The following NTN3 variants were observed in gnomAD, a reference collection of about 807,000 sequenced individuals.
NTN3 encodes netrin 3.
In NTN3, 44 loss-of-function variants were observed where a neutral mutation model predicts 37.2. The ratio of observed to expected loss-of-function variants is 1.18; its 90% confidence interval spans 0.93 to 1.52. The LOEUF is 1.52. Among genes scored for constraint, NTN3 ranks in the 40% most tolerant of loss-of-function variants. NTN3 has a pLI of 0.00. For missense variants in NTN3, 882 were observed against 857.3 expected, an observed-to-expected ratio of 1.03 and a Z score of -0.36; for synonymous variants, 385 against 376.0, an observed-to-expected ratio of 1.02 and a Z score of -0.28.
Position 2,472,037 on chromosome 16 carries a change from C to T in NTN3, c.336C>T (p.Gly112=). The T allele has an allele frequency of 6.2e-7, 1 of 1,608,728 alleles. No homozygotes were observed. The part of the protein sequence containing the change: ...PLNVTLTVPL[G]KAFELVFVSL... ...ACGTGACTCTCACGGTGCCCCTGGGCAAGGCTTTTGAGCTGGTCTTCGTGA... is the reference window on the plus strand; with the variant it reads ...ACGTGACTCTCACGGTGCCCCTGGGTAAGGCTTTTGAGCTGGTCTTCGTGA... Residue 112 remains glycine (G), a synonymous_variant, in exon 1 of 6, where the codon GGC becomes GGT. Coordinates refer to ENST00000293973, the MANE Select transcript of NTN3 (RefSeq NM_006181.3).
At position 2,471,351 on chromosome 16, in the gene NTN3, G is replaced by T. The variant is rs1279212527; in HGVS notation, c.-351G>T. 5.4e-6 allele frequency: 1 copy of T among 185,748 alleles called. No homozygotes were observed. Among genetic ancestry groups the T allele is most frequent in the Non-Finnish European group, 1.1e-5 (1 of 90,482 alleles). The allele number at this position is 185,748 out of a possible 1,614,324, so 11.5% of individuals were successfully genotyped here. A position where few individuals can be genotyped will look rare whatever the true frequency, so the allele number is the denominator to read the frequency against. ...AGGAGGCGGCGGCCCGTGCACCGCA[G>T]GCCCCGCCCGCCCACGGCCCTTCCC... On this transcript the variant is annotated 5_prime_UTR_variant, in exon 1 of 6. In the 5' UTR this introduces an upstream ATG that the reference lacks. Coordinates refer to ENST00000293973, the MANE Select transcript of NTN3 (RefSeq NM_006181.3).
At chr16:2,473,388 G>A in intron 4 of NTN3, 41 bp from the exon 5 acceptor site, 1 of 1,612,514 alleles carries the variant, frequency 6.2e-7, no homozygotes, top group Non-Finnish European at 8.5e-7. Context: ...AGGAGAGGGT[G>A]GGGAAAGGGA....
rs1367700969 is a variant in NTN3, at chr16:2,471,611, G to A, written c.-91G>A. 2.4e-5 allele frequency: 24 copies of A among 1,013,212 alleles called. No homozygotes were observed. The highest frequency in any genetic ancestry group is 3.1e-5 in the Non-Finnish European group (24 of 769,464). 62.8% of individuals were successfully genotyped at this position (1,013,212 alleles called of 1,614,324 possible). ...GGGGCCCTGTTCCTCGGCATTGCGG[G>A]CCTGGTGGGCAGAGCCGCGGAGAGG... is the stretch of plus-strand genomic sequence containing the variant. On this transcript the variant is annotated 5_prime_UTR_variant, in exon 1 of 6. Transcript: ENST00000293973.
In NTN3 at chr16:2,472,792, C is replaced by G; in HGVS notation, c.1020C>G (p.Asn340Lys). 1 of 1,608,366 alleles carries G rather than the reference C, an allele frequency of 6.2e-7. No homozygotes were observed. The highest frequency in any genetic ancestry group is 8.5e-7 in the Non-Finnish European group (1 of 1,179,688). Reference sequence around the variant, plus strand: ...GCCGCAGCGGGGGTGTCTGTCTCAACTGCCGGCACAACACCGCCGGCCGCC... The same window carrying G: ...GCCGCAGCGGGGGTGTCTGTCTCAAGTGCCGGCACAACACCGCCGGCCGCC... The part of the protein sequence containing the change: ...SGRRSGGVCL[N>K]CRHNTAGRHC... Residue 340 changes from asparagine (N) to lysine (K), a missense_variant, in exon 2 of 6, where the codon AAC (asparagine) becomes AAG (lysine). By Grantham distance (94) the Asn-to-Lys change is moderately conservative (BLOSUM62 0). Transcript: ENST00000293973.
Position 2,471,462 on chromosome 16 carries a change from GC to G in NTN3, c.-239del. 2.8e-6 allele frequency: 1 copy of G among 360,692 alleles called. No homozygotes were observed. The highest frequency in any genetic ancestry group is 4.9e-6 in the Non-Finnish European group (1 of 202,078). The allele number at this position is 360,692 out of a possible 1,614,324, so 22.3% of individuals were successfully genotyped here. ...GCCTCCGCGGGCGGAGGCACCGGGA[GC>G]GGGGGCGACGCCTGTCATCGCTCTA... On this transcript the variant is annotated 5_prime_UTR_variant, in exon 1 of 6. Coordinates refer to ENST00000293973, the MANE Select transcript of NTN3 (RefSeq NM_006181.3).
intron 5 of NTN3, 104 bp downstream of exon 5, chr16:2,473,607 C>A: frequency 7.5e-7 from 1 of 1,337,916 alleles, no homozygotes; most frequent in Non-Finnish European, 1.0e-6. Context: ...TTGCTGGGCC[C>A]CAAGGCCCAT....
Position 2,471,891 on chromosome 16 carries a change from A to G in NTN3, c.190A>G (p.Thr64Ala). The change falls in exon 1 of 6, where the codon ACT becomes GCT. Residue 64 changes from threonine to alanine, a missense_variant. Transcript: ENST00000293973. ...LASSTCGRPA[T>A]RACDASDPRR... ...TTCCAGCACGTGCGGGCGGCCGGCCACTCGGGCCTGCGACGCCTCCGACCC... is the reference window on the plus strand; with the variant it reads ...TTCCAGCACGTGCGGGCGGCCGGCCGCTCGGGCCTGCGACGCCTCCGACCC... 1 of 1,491,108 alleles carries G rather than the reference A, an allele frequency of 6.7e-7. No homozygotes were observed. Among genetic ancestry groups the G allele is most frequent in the South Asian group, 1.3e-5 (1 of 79,982 alleles). The allele number at this position is 1,491,108 out of a possible 1,614,324, so 92.4% of individuals were successfully genotyped here.
intron 5 of NTN3, 45 bp downstream of exon 5, chr16:2,473,548 C>T: frequency 6.4e-7 from 1 of 1,555,428 alleles, no homozygotes; most frequent in South Asian, 1.1e-5. Flanking sequence ...CCTTCCTCCT[C>T]TCCCTACCTT....
chr16:2,473,438 C>G lies in NTN3; in HGVS notation c.1328C>G (p.Ser443Trp), dbSNP rs766790323. ...CCCACCTTCTACCCAGACTGTGACT[C>G]GCACTGCAAACCTGCCCGTGGCAGC... Reference protein sequence around the residue: ...SSPVQPQDCDSHCKPARGSYR... With the variant: ...SSPVQPQDCDWHCKPARGSYR... The change falls in exon 5 of 6, where the codon TCG becomes TGG. Residue 443 changes from serine (S) to tryptophan (W), a missense_variant. Physicochemically the swap from Ser to Trp is radical, Grantham distance 177. Transcript: ENST00000293973. 6.2e-7 allele frequency: 1 copy of G among 1,612,992 alleles called. No individual in the cohort carries two copies. Among genetic ancestry groups the G allele is most frequent in the African/African-American group, 1.3e-5 (1 of 75,042 alleles).
rs759856214 is a variant in NTN3, at chr16:2,472,658, C to G, written c.928+29C>G. Reference sequence around the variant, plus strand: ...AGGCCTTGGAGGGTGGCCTGGGGACCTTGGACACAACCAGCCTGCCCCTGA... The same window carrying G: ...AGGCCTTGGAGGGTGGCCTGGGGACGTTGGACACAACCAGCCTGCCCCTGA... On this transcript the variant is annotated intron_variant, in intron 1 of 5. Coordinates refer to ENST00000293973, the MANE Select transcript of NTN3 (RefSeq NM_006181.3). 1.9e-6 allele frequency: 3 copies of G among 1,604,146 alleles called. No individual in the cohort carries two copies. The Admixed American group carries it at 5.1e-5, about 28-fold the overall frequency.
In NTN3 at chr16:2,471,972, CTG is replaced by C. The variant is rs2065523749; in HGVS notation, c.274_275del (p.Cys92LeufsTer24). ...TTCCCCAGGGGGCACGGCCAGCCCT[CTG>C]TGCTGGCGCTCGGAGTCCCTGCCTC... ...LTSPGGTASPLCWRSESLPRA... is the reference protein window; with the variant it reads ...LTSPGGTASPXCWRSESLPRA... On this transcript the variant is annotated frameshift_variant, in exon 1 of 6. Transcript: ENST00000293973. LOFTEE classifies it high-confidence loss of function. 1 of 1,594,274 alleles carries C rather than the reference CTG, an allele frequency of 6.3e-7. No homozygotes were observed. The highest frequency in any genetic ancestry group is 1.1e-5 in the South Asian group (1 of 90,158).
At position 2,473,789 on chromosome 16, in the gene NTN3, C is replaced by A. The variant is rs975740679; in HGVS notation, c.1427C>A (p.Ala476Glu). 15 of 1,385,916 alleles carry A rather than the reference C, an allele frequency of 1.1e-5. No individual in the cohort carries two copies. Among genetic ancestry groups the A allele is most frequent in the Non-Finnish European group, 1.4e-5 (15 of 1,079,602 alleles). 85.9% of individuals were successfully genotyped at this position (1,385,916 alleles called of 1,614,324 possible). A position where few individuals can be genotyped will look rare whatever the true frequency, so the allele number is the denominator to read the frequency against. The stretch of plus-strand genomic sequence containing the variant: ...GTGGCGGTGGGTGCGCGCGGCGAGG[C>A]GCGCGGCGCGTGGACACGCTTCCCG... Reference protein sequence around the residue: ...VQVAVGARGEARGAWTRFPVA... With the variant: ...VQVAVGARGEERGAWTRFPVA... Residue 476 changes from alanine (A) to glutamate (E), a missense_variant, in exon 6 of 6, where the codon GCG (alanine) becomes GAG (glutamate). Transcript: ENST00000293973.
chr16:2,473,693 G>T, intron 5 of NTN3, 63 bp from the exon 6 acceptor site: 1 of 1,375,426 alleles, frequency 7.3e-7, no homozygotes, highest in Non-Finnish European at 9.6e-7. Context: ...TCCTCCCCGT[G>T]CCTCCCCCTA....
Position 2,474,047 on chromosome 16 carries a change from CGCGGCGCCT to C in NTN3, c.1690_1698del (p.Arg566_Leu568del), listed in dbSNP as rs2065541779. 3 of 1,205,994 alleles carry C rather than the reference CGCGGCGCCT, an allele frequency of 2.5e-6. No homozygotes were observed. Among genetic ancestry groups the C allele is most frequent in the East Asian group, 3.4e-5 (1 of 29,448 alleles). The allele number at this position is 1,205,994 out of a possible 1,614,324, so 74.7% of individuals were successfully genotyped here. On this transcript the variant is annotated inframe_deletion, in exon 6 of 6. Transcript: ENST00000293973. ...GTGCTACCCTGGAGGGACGCGTGGA[CGCGGCGCCT>C]GCGGAGGCTGCAGCGACGCGAACGG...
At position 2,471,692 on chromosome 16, in the gene NTN3, G is replaced by A. The variant is rs1480521258; in HGVS notation, c.-10G>A. The A allele has an allele frequency of 7.6e-7, 1 of 1,319,772 alleles. No homozygotes were observed. Among genetic ancestry groups the A allele is most frequent in the Non-Finnish European group, 9.6e-7 (1 of 1,039,292 alleles). The allele number at this position is 1,319,772 out of a possible 1,614,324, so 81.8% of individuals were successfully genotyped here. ...GCCCGGCCACTGGCTGACCCGCAGCGGCTCCGGCCATGCCTGGCTGGCCCT... is the reference window on the plus strand; with the variant it reads ...GCCCGGCCACTGGCTGACCCGCAGCAGCTCCGGCCATGCCTGGCTGGCCCT... On this transcript the variant is annotated 5_prime_UTR_variant, in exon 1 of 6. Coordinates refer to ENST00000293973, the MANE Select transcript of NTN3 (RefSeq NM_006181.3).
Position 2,471,455 on chromosome 16 carries a change from A to C in NTN3, c.-247A>C. The C allele has an allele frequency of 3.3e-5, 11 of 335,764 alleles. No homozygotes were observed. The highest frequency in any genetic ancestry group is 3.2e-5 in the Non-Finnish European group (6 of 186,986). The allele number at this position is 335,764 out of a possible 1,614,324, so 20.8% of individuals were successfully genotyped here. A position where few individuals can be genotyped will look rare whatever the true frequency, so the allele number is the denominator to read the frequency against. ...GGGTGGGGCCTCCGCGGGCGGAGGCACCGGGAGCGGGGGCGACGCCTGTCA... is the reference window on the plus strand; with the variant it reads ...GGGTGGGGCCTCCGCGGGCGGAGGCCCCGGGAGCGGGGGCGACGCCTGTCA... On this transcript the variant is annotated 5_prime_UTR_variant, in exon 1 of 6. Coordinates refer to ENST00000293973, the MANE Select transcript of NTN3 (RefSeq NM_006181.3).
In NTN3 at chr16:2,473,911, C is replaced by G; in HGVS notation, c.1549C>G (p.Pro517Ala). The change falls in exon 6 of 6, where the codon CCG (proline) becomes GCG (alanine). Residue 517 changes from proline to alanine, a missense_variant. Pro to Ala is a conservative substitution (Grantham distance 27). Coordinates refer to ENST00000293973, the MANE Select transcript of NTN3 (RefSeq NM_006181.3). The stretch of plus-strand genomic sequence containing the variant: ...CGCCGGGGATGCGGCCTGCGGCTGC[C>G]CGCGCCTGCTCCCCGGCCGCCGCTA... ...VPAGDAACGC[P>A]RLLPGRRYLL... is the part of the protein sequence containing the mutation. 3 of 1,201,404 alleles carry G rather than the reference C, an allele frequency of 2.5e-6. No homozygotes were observed. The African/African-American group carries it at 4.8e-5, about 19-fold the overall frequency. 74.4% of individuals were successfully genotyped at this position (1,201,404 alleles called of 1,614,324 possible).
rs1311572203 is a variant in NTN3, at chr16:2,473,782, G to A, written c.1420G>A (p.Gly474Ser). ...GGTGCAGGTGGCGGTGGGTGCGCGC[G>A]GCGAGGCGCGCGGCGCGTGGACACG... ...YAVQVAVGARGEARGAWTRFP... is the reference protein window; with the variant it reads ...YAVQVAVGARSEARGAWTRFP... Residue 474 changes from glycine to serine, a missense_variant, in exon 6 of 6, where the codon GGC (glycine) becomes AGC (serine). Physicochemically the swap from Gly to Ser is moderately conservative, Grantham distance 56. Transcript: ENST00000293973. The A allele has an allele frequency of 7.2e-7, 1 of 1,385,774 alleles. No individual in the cohort carries two copies. Among genetic ancestry groups the A allele is most frequent in the Non-Finnish European group, 9.3e-7 (1 of 1,078,868 alleles). The allele number at this position is 1,385,774 out of a possible 1,614,324, so 85.8% of individuals were successfully genotyped here. A position where few individuals can be genotyped will look rare whatever the true frequency, so the allele number is the denominator to read the frequency against.
chr16:2,472,745 G>A lies in NTN3; in HGVS notation c.973G>A (p.Glu325Lys), dbSNP rs1484881203. Residue 325 changes from glutamate (E) to lysine (K), a missense_variant, in exon 2 of 6, where the codon GAG becomes AAG. Coordinates refer to ENST00000293973, the MANE Select transcript of NTN3 (RefSeq NM_006181.3). ...TGCCCGCCGCTGCCGCTTCAACATG[G>A]AGCTGTACCGACTGTCCGGCCGCCG... is the stretch of plus-strand genomic sequence containing the variant. Reference protein sequence around the residue: ...GHARRCRFNMELYRLSGRRSG... With the variant: ...GHARRCRFNMKLYRLSGRRSG... 1 of 1,609,130 alleles carries A rather than the reference G, an allele frequency of 6.2e-7. No individual in the cohort carries two copies. The highest frequency in any genetic ancestry group is 2.2e-5 in the East Asian group (1 of 44,890).
Sources: gnomAD v4.1 joint callset for allele counts on GRCh38, gnomAD v4.1.1 for gene constraint, MANE v1.5 for transcripts, NCBI Gene and HGNC (gene_info 2026-07-23, HGNC 2026-07-21) for gene names.